The following SYT8 variants were observed in gnomAD, a reference collection of about 807,000 sequenced individuals.
SYT8 encodes the protein synaptotagmin-8.
SYT8 carries 50 observed loss-of-function variants against 34.9 expected under a neutral mutation model. That is an observed-to-expected ratio of 1.43 (90% confidence interval 1.14 to 1.81). The LOEUF (loss-of-function observed/expected upper bound fraction) is 1.81, where lower values mean the gene tolerates loss of function less well. SYT8 is among the 40% of genes most tolerant of loss of function. The probability of loss-of-function intolerance (pLI) is 0.00; values close to 1 mark genes in which losing one functional copy is unlikely to be tolerated. For synonymous variants in SYT8, 255 were observed against 234.2 expected, an observed-to-expected ratio of 1.09 and a Z score of -0.81; for missense variants, 595 against 529.0, an observed-to-expected ratio of 1.12 and a Z score of -1.22.
chr11:1,831,795 C>A, upstream of SYT8: 2 of 456,088 alleles, frequency 4.4e-6, no homozygotes, highest in Non-Finnish European at 8.8e-6. Flanking sequence ...GGAGAGAGTT[C>A]CCCGTCACCA....
At position 1,835,001 on chromosome 11, in the gene SYT8, T is replaced by C; in HGVS notation, c.-105T>C. On this transcript the variant is annotated 5_prime_UTR_variant, in exon 1 of 8. Transcript: ENST00000341958. ...CTCCTTGCCCTGGCAGACCCAGCAC[T>C]GGCTGCTGCTAGTCAGATGGGGTAG... 1 of 1,216,786 alleles carries C rather than the reference T, an allele frequency of 8.2e-7. No individual in the cohort carries two copies. The allele number at this position is 1,216,786 out of a possible 1,614,324, so 75.4% of individuals were successfully genotyped here.
At chr11:1,834,463 C>A (rs1200623796), upstream of SYT8, 1 of 1,076,620 alleles carries the variant, frequency 9.3e-7, no homozygotes, top group South Asian at 1.3e-5. This position sits in a 1 kb window ranked among gnomAD's most constrained non-coding sequence, Gnocchi z 4.5. Flanking sequence ...AGGAATGCAC[C>A]TTTAGCCCAG....
At chr11:1,833,138 C>T (rs558673938), upstream of SYT8, among the ~76,000 whole-genome samples, 3 of 152,320 alleles carry the variant, frequency 2.0e-5, no homozygotes, top group South Asian at 2.1e-4. Context: ...GGCACAGTCC[C>T]GCTCCAGGGA....
At position 1,837,290 on chromosome 11, in the gene SYT8, C is replaced by A; in HGVS notation, c.1023C>A (p.Pro341=). 6.3e-7 allele frequency: 1 copy of A among 1,588,410 alleles called. No homozygotes were observed. Among genetic ancestry groups the A allele is most frequent in the East Asian group, 2.2e-5 (1 of 44,522 alleles). Reference sequence around the variant, plus strand: ...TGGGTGCCCGGGCCTCGGGGCAGCCCCTGCAGCACTGGGCAGACATGCTGG... The same window carrying A: ...TGGGTGCCCGGGCCTCGGGGCAGCCACTGCAGCACTGGGCAGACATGCTGG... The part of the protein sequence containing the change: ...VHLGARASGQ[P]LQHWADMLAH... Residue 341 remains proline, a synonymous_variant, in exon 8 of 8, where the codon CCC becomes CCA. Coordinates refer to ENST00000341958, the MANE Select transcript of SYT8 (RefSeq NM_001394072.1).
rs751765367 is a variant in SYT8 at position 1,836,415 on chromosome 11, G to A, written c.517-10G>A. On this transcript the variant is annotated splice_polypyrimidine_tract_variant and intron_variant, in intron 4 of 7. Coordinates refer to ENST00000341958, the MANE Select transcript of SYT8 (RefSeq NM_001394072.1). ...AGGGCAGCAGGGCCTGGCTCACGCC[G>A]CTGCCTCAGATCCCGCAGGCGGAGC... is the stretch of plus-strand genomic sequence containing the variant. 3.9e-6 allele frequency: 6 copies of A among 1,537,808 alleles called. No homozygotes were observed. Among genetic ancestry groups the A allele is most frequent in the African/African-American group, 1.4e-5 (1 of 73,372 alleles).
upstream of SYT8, among the ~76,000 whole-genome samples, chr11:1,832,550 G>T (rs1359793890): frequency 6.6e-6 from 1 of 152,146 alleles, no homozygotes; most frequent in Non-Finnish European, 1.5e-5. Context: ...AGCCCCCAGC[G>T]CCCAAGGGTC....
Position 1,835,132 on chromosome 11 carries a change from T to A in SYT8, c.27T>A (p.Ser9Arg). Residue 9 changes from serine (S) to arginine (R), a missense_variant, in exon 1 of 8, where the codon AGT becomes AGA. By Grantham distance (110) the Ser-to-Arg change is moderately radical (BLOSUM62 -1). Coordinates refer to ENST00000341958, the MANE Select transcript of SYT8 (RefSeq NM_001394072.1). Reference protein sequence around the residue: MGHPPVSPSAPAPAGTTAI... With the variant: MGHPPVSPRAPAPAGTTAI... ...TGGGGCACCCACCAGTCTCTCCCAG[T>A]GCCCCGGCCCCAGCTGGCACCACAG... is the stretch of plus-strand genomic sequence containing the variant. 6.2e-7 allele frequency: 1 copy of A among 1,613,354 alleles called. No homozygotes were observed. The highest frequency in any genetic ancestry group is 1.1e-5 in the South Asian group (1 of 91,074).
chr11:1,836,780 T>C lies in SYT8; in HGVS notation c.709T>C (p.Phe237Leu), dbSNP rs771043070. Residue 237 changes from phenylalanine (F) to leucine (L), a missense_variant, in exon 6 of 8, where the codon TTC (phenylalanine) becomes CTC (leucine). Phe to Leu is a conservative substitution (Grantham distance 22). Coordinates refer to ENST00000341958, the MANE Select transcript of SYT8 (RefSeq NM_001394072.1). ...GCCCGAGCAGGTCGGGGAGCTGTGC[T>C]TCTCTCTCCGGTACGTGCCCAGCTC... Reference protein sequence around the residue: ...TQPEQVGELCFSLRYVPSSGR... With the variant: ...TQPEQVGELCLSLRYVPSSGR... 2.5e-6 allele frequency: 4 copies of C among 1,610,390 alleles called. No individual in the cohort carries two copies. Among genetic ancestry groups the C allele is most frequent in the Non-Finnish European group, 3.4e-6 (4 of 1,179,946 alleles).
intron 4 of SYT8, 65 bp downstream of exon 4, chr11:1,836,349 G>C: frequency 8.0e-6 from 12 of 1,493,616 alleles, no homozygotes; most frequent in Non-Finnish European, 1.1e-5. Flanking sequence ...GGGTGGGCCT[G>C]GGCAGCTGGG....
At chr11:1,834,004 A>G (rs905831526), upstream of SYT8, 1 of 154,560 alleles carries the variant, frequency 6.5e-6, no homozygotes, top group South Asian at 1.9e-4. This position sits in a 1 kb window ranked among gnomAD's most constrained non-coding sequence, Gnocchi z 4.5. Context: ...GGCCAGGCTG[A>G]CTTGGACATG....
intron 2 of SYT8, 48 bp from the exon 3 acceptor site, chr11:1,835,838 T>G: frequency 6.6e-7 from 1 of 1,513,832 alleles, no homozygotes. Flanking sequence ...AGGGCTCTGA[T>G]GAGGCATGAT....
chr11:1,837,339 C>A lies in SYT8; in HGVS notation c.1072C>A (p.Gln358Lys). Residue 358 changes from glutamine to lysine, a missense_variant, in exon 8 of 8, where the codon CAG becomes AAG. Transcript: ENST00000341958. Reference protein sequence around the residue: ...MLAHARRPIAQRHPLRPAREV... With the variant: ...MLAHARRPIAKRHPLRPAREV... ...GGCCCACGCCCGGCGGCCCATTGCC[C>A]AGCGGCACCCCCTGCGGCCAGCCAG... 6.3e-7 allele frequency: 1 copy of A among 1,593,494 alleles called. No homozygotes were observed. Among genetic ancestry groups the A allele is most frequent in the African/African-American group, 1.3e-5 (1 of 74,852 alleles).
upstream of SYT8, among the ~76,000 whole-genome samples, chr11:1,833,142 C>G (rs560013298): frequency 2.0e-5 from 3 of 152,322 alleles, no homozygotes; most frequent in African/African-American, 4.8e-5. Context: ...CAGTCCCGCT[C>G]CAGGGACCCT....
chr11:1,836,398 AG>A, intron 4 of SYT8, 26 bp from the exon 5 acceptor site: 2 of 1,518,988 alleles, frequency 1.3e-6, no homozygotes, highest in Non-Finnish European at 1.8e-6. Flanking sequence ...CTAGGGCAGC[AG>A]GGCCTGGCTC....
intron 3 of SYT8, 35 bp downstream of exon 3, chr11:1,836,019 G>T (rs1846898083): frequency 1.9e-6 from 3 of 1,591,198 alleles, no homozygotes. Flanking sequence ...CAGCGGTTCT[G>T]CGAGTTTCCG....
At chr11:1,832,007 G>A (rs57852025), upstream of SYT8, 11,159 of 350,794 alleles carry the variant, frequency 0.032, 1,150 homozygotes, top group African/African-American at 0.22. Flanking sequence ...AAACCATTCC[G>A]TATAGACTCA....
At chr11:1,832,010 T>C, upstream of SYT8, 1 of 350,870 alleles carries the variant, frequency 2.9e-6, no homozygotes, top group African/African-American at 2.1e-5. Flanking sequence ...CCATTCCGTA[T>C]AGACTCACCC....
chr11:1,836,780 T>TTC lies in SYT8; in HGVS notation c.716_717dup (p.Arg240SerfsTer10). 6.2e-7 allele frequency: 1 copy of TTC among 1,610,508 alleles called. No homozygotes were observed. Among genetic ancestry groups the TTC allele is most frequent in the Non-Finnish European group, 8.5e-7 (1 of 1,179,938 alleles). On this transcript the variant is annotated frameshift_variant, in exon 6 of 8. Transcript: ENST00000341958. LOFTEE classifies it high-confidence loss of function. ...GCCCGAGCAGGTCGGGGAGCTGTGC[T>TTC]TCTCTCTCCGGTACGTGCCCAGCTC... is the stretch of plus-strand genomic sequence containing the variant.
upstream of SYT8, chr11:1,834,404 G>A: frequency 4.5e-6 from 3 of 672,888 alleles, no homozygotes; most frequent in East Asian, 8.5e-5. The surrounding 1 kb of genome is among the most constrained non-coding windows in gnomAD (Gnocchi z 4.5). Context: ...GCCCCTACCT[G>A]CCACCACCTC....
Sources: gnomAD v4.1 joint callset for allele counts (sites outside exome capture counted in the v4.1 genomes callset) on GRCh38, gnomAD v4.1.1 for gene constraint, Gnocchi (gnomAD v3.1) non-coding constraint, MANE v1.5 for transcripts, NCBI Gene and HGNC (gene_info 2026-07-23, HGNC 2026-07-21) for gene names.